Variants in GPC5 observed in about 807,000 individuals in gnomAD.
The protein encoded by GPC5 is glypican-5.
In GPC5, 47 loss-of-function variants were observed where a neutral mutation model predicts 53.9. The ratio of observed to expected loss-of-function variants is 0.87; its 90% confidence interval spans 0.69 to 1.11. The LOEUF is 1.11. Ranked by LOEUF, GPC5 falls within the 50% of genes most tolerant of loss-of-function variation. The pLI, the probability that GPC5 is intolerant of heterozygous loss-of-function variation, is 0.00. For missense variants in GPC5, 748 were observed against 713.1 expected (o/e 1.05, Z -0.56); for synonymous variants, 286 against 263.3 (o/e 1.09, Z -0.84).
At chr13:92,092,479 C>G (rs2041388814) in intron 6 of GPC5, among the ~76,000 whole-genome samples, 1 of 152,138 alleles carries the variant, frequency 6.6e-6, no homozygotes, top group Admixed American at 6.5e-5. Context: ...CACAATGCCA[C>G]TGGACAACAT....
chr13:91,833,731 A>G (rs1259027260), intron 5 of GPC5, among the ~76,000 whole-genome samples: 2 of 152,170 alleles, frequency 1.3e-5, no homozygotes, highest in Non-Finnish European at 2.9e-5. Context: ...CTAGGTATTG[A>G]TGGAACGTAT....
intron 2 of GPC5, among the ~76,000 whole-genome samples, chr13:91,667,015 T>G (rs1465968377): frequency 1.3e-5 from 2 of 152,210 alleles, no homozygotes; most frequent in Non-Finnish European, 2.9e-5. Flanking sequence ...GCTGTAGCAT[T>G]TCACCATAGA....
intron 7 of GPC5, among the ~76,000 whole-genome samples, chr13:92,602,835 A>T (rs1884124563): frequency 6.7e-6 from 1 of 150,214 alleles, no homozygotes; most frequent in African/African-American, 2.5e-5. Flanking sequence ...AAGTCCTTAT[A>T]GTCATAGTTT....
intron 7 of GPC5, among the ~76,000 whole-genome samples, chr13:92,526,813 C>A (rs938025708): frequency 1.3e-5 from 2 of 151,566 alleles, no homozygotes; most frequent in Non-Finnish European, 2.9e-5. Flanking sequence ...ATCAAGATAT[C>A]TTGAAGAGCT....
intron 7 of GPC5, among the ~76,000 whole-genome samples, chr13:92,200,880 G>A (rs1227137625): frequency 1.3e-5 from 2 of 152,212 alleles, no homozygotes; most frequent in African/African-American, 4.8e-5. Context: ...GTCGGAGTAT[G>A]AGAAGTGTAT....
intron 5 of GPC5, among the ~76,000 whole-genome samples, chr13:91,773,187 G>A (rs1293471476): frequency 1.3e-5 from 2 of 152,118 alleles, no homozygotes; most frequent in Non-Finnish European, 2.9e-5. Flanking sequence ...TGGAAGAAAA[G>A]CATTGATCAC....
intron 7 of GPC5, among the ~76,000 whole-genome samples, chr13:92,173,258 A>C (rs2042083446): frequency 6.6e-6 from 1 of 152,010 alleles, no homozygotes; most frequent in Admixed American, 6.6e-5. Context: ...TAGGTCATTA[A>C]ATTTGTTTTC....
chr13:92,096,593 T>C (rs2041423954), intron 6 of GPC5, among the ~76,000 whole-genome samples: 2 of 152,234 alleles, frequency 1.3e-5, no homozygotes, highest in South Asian at 4.1e-4. Flanking sequence ...AGGGTTCCAC[T>C]CTCATGAATG....
chr13:91,570,871 G>C (rs2031750829), intron 2 of GPC5, among the ~76,000 whole-genome samples: 1 of 152,170 alleles, frequency 6.6e-6, no homozygotes, highest in Non-Finnish European at 1.5e-5. Flanking sequence ...TTTTGGGAAA[G>C]TCAAGTTTCT....
At chr13:92,613,614 TTATTTTA>T (rs1459921955) in intron 7 of GPC5, among the ~76,000 whole-genome samples, 5 of 95,306 alleles carry the variant, frequency 5.2e-5, no homozygotes, top group Non-Finnish European at 1.0e-4. Flanking sequence ...ATTTATTTTA[TTATTTTA>T]TTTATTATAT....
At chr13:91,503,780 A>AAATAATAATAATAATAATAAT (rs74995934) in intron 2 of GPC5, among the ~76,000 whole-genome samples, 3 of 132,882 alleles carry the variant, frequency 2.3e-5, no homozygotes, top group East Asian at 2.2e-4. Flanking sequence ...CTCTGTCTCA[A>AAATAATAATAATAATAATAAT]AATAATAATA....
intron 7 of GPC5, among the ~76,000 whole-genome samples, chr13:92,638,958 A>C (rs1168749391): frequency 6.6e-6 from 1 of 152,240 alleles, no homozygotes; most frequent in Non-Finnish European, 1.5e-5. Context: ...TAGTAATTAT[A>C]GTATTTGCCA....
intron 7 of GPC5, among the ~76,000 whole-genome samples, chr13:92,576,829 C>G (rs1177457664): frequency 1.3e-5 from 2 of 152,148 alleles, no homozygotes; most frequent in African/African-American, 4.8e-5. Context: ...CAATCATAAA[C>G]TTGAAATCAT....
intron 5 of GPC5, among the ~76,000 whole-genome samples, chr13:91,895,224 C>A (rs141550606): frequency 3.3e-5 from 5 of 152,218 alleles, no homozygotes; most frequent in Admixed American, 6.5e-5. Context: ...GGCTTCAGAT[C>A]CCACTTCTGG....
chr13:91,410,416 G>C (rs906315261), intron 1 of GPC5, among the ~76,000 whole-genome samples: 5 of 140,710 alleles, frequency 3.6e-5, no homozygotes, highest in Admixed American at 1.6e-4. Flanking sequence ...CACGATCTTG[G>C]CTCACTGCAA....
intron 7 of GPC5, among the ~76,000 whole-genome samples, chr13:92,402,567 G>T (rs761968287): frequency 6.6e-6 from 1 of 152,176 alleles, no homozygotes; most frequent in Non-Finnish European, 1.5e-5. Flanking sequence ...GTTGGGGGAT[G>T]GTTTCAGGAT....
chr13:92,468,045 T>TC (rs1356418276), intron 7 of GPC5, among the ~76,000 whole-genome samples: 1 of 152,128 alleles, frequency 6.6e-6, no homozygotes, highest in Non-Finnish European at 1.5e-5. Context: ...ACCTTTTTTT[T>TC]CTGAATATTC....
chr13:91,607,366 G>C (rs528272257), intron 2 of GPC5, among the ~76,000 whole-genome samples: 2 of 152,174 alleles, frequency 1.3e-5, no homozygotes, highest in South Asian at 4.2e-4. Context: ...TTTTCCTCAA[G>C]CAAACTGAAG....
intron 5 of GPC5, among the ~76,000 whole-genome samples, chr13:91,790,079 G>A (rs1254597266): frequency 1.1e-4 from 17 of 152,264 alleles, no homozygotes; most frequent in Middle Eastern, 3.4e-3. Flanking sequence ...ACATTGCCAC[G>A]TTGAGGGCCA....
Sources: gnomAD v4.1 joint callset for allele counts (sites outside exome capture counted in the v4.1 genomes callset) on GRCh38, gnomAD v4.1.1 for gene constraint, MANE v1.5 for transcripts, NCBI Gene and HGNC (gene_info 2026-07-23, HGNC 2026-07-21) for gene names.